Variants in N4BP2 observed in about 807,000 individuals in gnomAD.
The protein encoded by N4BP2 is NEDD4 binding protein 2, also known as NEDD4-binding protein 2.
In N4BP2, 91 loss-of-function variants were observed where a neutral mutation model predicts 152.8. That is an observed-to-expected ratio of 0.60 (90% CI 0.50 to 0.71). The LOEUF (loss-of-function observed/expected upper bound fraction) is 0.71, where lower values mean the gene tolerates loss of function less well. N4BP2 is among the 30% of genes least tolerant of loss of function. The probability of loss-of-function intolerance (pLI) is 0.00; values close to 1 mark genes in which losing one functional copy is unlikely to be tolerated. For synonymous variants in N4BP2, 646 were observed against 705.3 expected (o/e 0.92, Z 1.33); for missense variants, 1,923 against 2,059.1 (o/e 0.93, Z 1.28).
chr4:40,163,548 A>G, the N4BP2 span, among the ~76,000 whole-genome samples: 2 of 152,258 alleles, frequency 1.3e-5, no homozygotes, highest in African/African-American at 4.8e-5. Context: ...TCACGAATAC[A>G]GAGAAACACA....
At chr4:40,095,331 T>C (rs1715012012) in intron 2 of N4BP2, among the ~76,000 whole-genome samples, 1 of 152,176 alleles carries the variant, frequency 6.6e-6, no homozygotes, top group Non-Finnish European at 1.5e-5. Flanking sequence ...TCCACCCACC[T>C]TGGCCTCCCA....
chr4:40,102,614 G>C lies in N4BP2; in HGVS notation c.769G>C (p.Ala257Pro), dbSNP rs374855885. The C allele has an allele frequency of 3.7e-6, 6 of 1,614,050 alleles. No homozygotes were observed. Among genetic ancestry groups the C allele is most frequent in the Non-Finnish European group, 5.1e-6 (6 of 1,180,020 alleles). The part of the protein sequence containing the change: ...SSLNVASDSI[A>P]GCSSLNQKQK... ...TTTAAATGTAGCAAGTGACTCCATCGCAGGTTGTAGCAGTCTCAATCAAAA... is the reference window on the plus strand; with the variant it reads ...TTTAAATGTAGCAAGTGACTCCATCCCAGGTTGTAGCAGTCTCAATCAAAA... Residue 257 changes from alanine (A) to proline (P), a missense_variant, in exon 4 of 18, where the codon GCA (alanine) becomes CCA (proline). Coordinates refer to ENST00000261435, the MANE Select transcript of N4BP2 (RefSeq NM_018177.6).
rs768352447 is a variant in N4BP2, at chr4:40,120,310, T to C, written c.2199T>C (p.Asn733=). 6 of 1,612,372 alleles carry C rather than the reference T, an allele frequency of 3.7e-6. No homozygotes were observed. Among genetic ancestry groups the C allele is most frequent in the Non-Finnish European group, 8.5e-7 (1 of 1,179,584 alleles). The change falls in exon 9 of 18, where the codon AAT becomes AAC. Residue 733 remains asparagine (N), a synonymous_variant. Transcript: ENST00000261435. ...VSPSTCCSEN[N]QEDCDLANSG... ...CTAGTACTTGCTGTAGTGAAAATAATCAAGAAGACTGTGATCTTGCAAATA... is the reference window on the plus strand; with the variant it reads ...CTAGTACTTGCTGTAGTGAAAATAACCAAGAAGACTGTGATCTTGCAAATA...
intron 13 of N4BP2, among the ~76,000 whole-genome samples, chr4:40,136,387 T>TATCTATCTATC (rs1719395155): frequency 6.8e-6 from 1 of 146,722 alleles, no homozygotes; most frequent in Non-Finnish European, 1.5e-5. Flanking sequence ...TCTATCTATC[T>TATCTATCTATC]ATCTATCTTT....
At chr4:40,117,520 G>T (rs914381676) in intron 7 of N4BP2, among the ~76,000 whole-genome samples, 19 of 152,156 alleles carry the variant, frequency 1.2e-4, no homozygotes, top group Admixed American at 8.5e-4. Context: ...CGAGTTGAAG[G>T]CCTCAGAATT....
intron 2 of N4BP2, among the ~76,000 whole-genome samples, chr4:40,088,979 C>T (rs569549342): frequency 2.0e-5 from 3 of 151,866 alleles, no homozygotes; most frequent in African/African-American, 7.2e-5. Flanking sequence ...GAAACAGAGT[C>T]TCTGTCTGTC....
chr4:40,179,120 G>T, the N4BP2 span, among the ~76,000 whole-genome samples: 1 of 152,158 alleles, frequency 6.6e-6, no homozygotes, highest in African/African-American at 2.4e-5. Context: ...TGTAATCCCA[G>T]CAGTTTGGGA....
chr4:40,083,080 C>T (rs754255206), intron 2 of N4BP2: 3 of 204,582 alleles, frequency 1.5e-5, no homozygotes, highest in African/African-American at 4.7e-5. Context: ...CGCCCTGTGC[C>T]TGTTCTGTAT....
At chr4:40,149,511 A>G (rs1389346851) in intron 16 of N4BP2, among the ~76,000 whole-genome samples, 1 of 152,244 alleles carries the variant, frequency 6.6e-6, no homozygotes, top group Non-Finnish European at 1.5e-5. Flanking sequence ...GTGGTTGCAC[A>G]ACATGATGAA....
chr4:40,177,762 C>T, the N4BP2 span, among the ~76,000 whole-genome samples: 1 of 152,136 alleles, frequency 6.6e-6, no homozygotes, highest in African/African-American at 2.4e-5. Context: ...AAGGCTTTGG[C>T]TCTCTTTACG....
chr4:40,140,813 A>G (rs912173313), intron 14 of N4BP2, among the ~76,000 whole-genome samples: 4 of 151,660 alleles, frequency 2.6e-5, no homozygotes, highest in African/African-American at 9.7e-5. Context: ...GCTGCCTTCA[A>G]GCATCTGTTT....
chr4:40,186,543 G>T, the N4BP2 span, among the ~76,000 whole-genome samples: 1 of 152,198 alleles, frequency 6.6e-6, no homozygotes, highest in African/African-American at 2.4e-5. Flanking sequence ...CAGGCCACGG[G>T]TGGGTACTGG....
chr4:40,087,689 C>CA (rs974784043), intron 2 of N4BP2, among the ~76,000 whole-genome samples: 4 of 151,286 alleles, frequency 2.6e-5, no homozygotes, highest in African/African-American at 9.7e-5. Flanking sequence ...CCCCTCCGCC[C>CA]AAAAAAAAGG....
chr4:40,176,355 G>C, the N4BP2 span, among the ~76,000 whole-genome samples: 1 of 152,128 alleles, frequency 6.6e-6, no homozygotes, highest in Non-Finnish European at 1.5e-5. Flanking sequence ...CATTCATGCT[G>C]ATCAAAATCT....
intron 1 of N4BP2, among the ~76,000 whole-genome samples, chr4:40,070,754 T>C (rs1418487436): frequency 2.6e-5 from 4 of 152,096 alleles, no homozygotes; most frequent in African/African-American, 9.7e-5. Context: ...CCCTGATACA[T>C]GCTACTTATA....
intron 16 of N4BP2, among the ~76,000 whole-genome samples, chr4:40,149,514 A>G (rs1011503547): frequency 6.6e-6 from 1 of 152,352 alleles, no homozygotes; most frequent in Admixed American, 6.5e-5. Context: ...GTTGCACAAC[A>G]TGATGAATAT....
At chr4:40,151,613 A>G (rs1171279789) in intron 16 of N4BP2, among the ~76,000 whole-genome samples, 4 of 152,218 alleles carry the variant, frequency 2.6e-5, no homozygotes, top group African/African-American at 9.7e-5. Flanking sequence ...TGTAAAGAAC[A>G]GTGCCCAAAA....
intron 1 of N4BP2, among the ~76,000 whole-genome samples, chr4:40,060,774 T>A (rs1269993387): frequency 1.3e-5 from 2 of 151,032 alleles, no homozygotes; most frequent in Non-Finnish European, 3.0e-5. Context: ...GGCTCATTTT[T>A]AAAATTTTTT....
At chr4:40,174,092 C>G in the N4BP2 span, among the ~76,000 whole-genome samples, 1 of 152,134 alleles carries the variant, frequency 6.6e-6, no homozygotes, top group African/African-American at 2.4e-5. Flanking sequence ...GTCAAAAAGA[C>G]GAGAGGCTGG....
Sources: gnomAD v4.1 joint callset for allele counts (sites outside exome capture counted in the v4.1 genomes callset) on GRCh38, gnomAD v4.1.1 for gene constraint, MANE v1.5 for transcripts, NCBI Gene and HGNC (gene_info 2026-07-23, HGNC 2026-07-21) for gene names.